Variants in NSMCE2 observed in about 807,000 individuals in gnomAD.
NSMCE2 encodes the protein E3 SUMO-protein ligase NSE2.
Under a neutral mutation model 23.8 loss-of-function variants are expected in NSMCE2, and 24 were observed. That is an observed-to-expected ratio of 1.01 (90% CI 0.73 to 1.42). The LOEUF is 1.42. Ranked by LOEUF, NSMCE2 falls within the 40% of genes most tolerant of loss-of-function variation. The pLI is 0.00. For synonymous variants in NSMCE2, 92 were observed against 94.1 expected (o/e 0.98, Z 0.13); for missense variants, 284 against 296.5 (o/e 0.96, Z 0.31).
chr8:125,122,171 CCA>C (rs1491577365), intron 3 of NSMCE2, among the ~76,000 whole-genome samples: 5,097 of 86,368 alleles, frequency 0.059, 322 homozygotes, highest in African/African-American at 0.18. Flanking sequence ...TCTGGCTGAG[CCA>C]AAAAAAAAAA....
chr8:125,215,371 T>C (rs1339249456), intron 5 of NSMCE2, among the ~76,000 whole-genome samples: 1 of 151,384 alleles, frequency 6.6e-6, no homozygotes, highest in East Asian at 1.9e-4. Flanking sequence ...GGACATGAAC[T>C]CATCATTTTT....
intron 3 of NSMCE2, chr8:125,124,029 C>G (rs1819395789): frequency 1.3e-5 from 2 of 152,214 alleles, no homozygotes; most frequent in African/African-American, 4.8e-5. Context: ...AACCCTGTAC[C>G]CTTTAGCTAT....
intron 5 of NSMCE2, among the ~76,000 whole-genome samples, chr8:125,225,668 T>C (rs1028286843): frequency 6.6e-6 from 1 of 152,236 alleles, no homozygotes; most frequent in African/African-American, 2.4e-5. Flanking sequence ...CAGGAAGGTA[T>C]TGCCTTTTTA....
chr8:125,246,302 G>C (rs1311922785), intron 5 of NSMCE2, among the ~76,000 whole-genome samples: 1 of 151,468 alleles, frequency 6.6e-6, no homozygotes. Flanking sequence ...TCCTGCCTCA[G>C]CCTCCTGAGT....
intron 5 of NSMCE2, among the ~76,000 whole-genome samples, chr8:125,216,414 C>T (rs889656710): frequency 6.6e-6 from 1 of 152,064 alleles, no homozygotes; most frequent in African/African-American, 2.4e-5. Flanking sequence ...CCGAGGCAGG[C>T]AGATTACCTG....
At chr8:125,220,557 A>G (rs569732919) in intron 5 of NSMCE2, among the ~76,000 whole-genome samples, 24 of 152,196 alleles carry the variant, frequency 1.6e-4, no homozygotes, top group Admixed American at 1.1e-3. Flanking sequence ...ATTGTGTTTC[A>G]TATTACAACT....
intron 5 of NSMCE2, among the ~76,000 whole-genome samples, chr8:125,197,902 T>G (rs1217810399): frequency 1.3e-5 from 2 of 152,230 alleles, no homozygotes; most frequent in Non-Finnish European, 2.9e-5. Context: ...GAAGAGGCCC[T>G]TCACATCCCT....
At position 125,182,146 on chromosome 8, in the gene NSMCE2, T is replaced by C. The variant is rs1822853318; in HGVS notation, c.308T>C (p.Leu103Ser). 1 of 1,603,350 alleles carries C rather than the reference T, an allele frequency of 6.2e-7. No homozygotes were observed. The highest frequency in any genetic ancestry group is 8.5e-7 in the Non-Finnish European group (1 of 1,175,838). Residue 103 changes from leucine (L) to serine (S), a missense_variant, in exon 5 of 8, where the codon TTG (leucine) becomes TCG (serine). This residue lies in a region of NSMCE2 where 182 missense variants were observed against 155.5 expected (regional missense o/e 1.17). Transcript: ENST00000287437. The stretch of plus-strand genomic sequence containing the variant: ...GAAAAAATACCAGATTTAAAATTAT[T>C]GGTAGAGAAGAAATTTTTGGCTTTA... ...RPEKIPDLKL[L>S]VEKKFLALQS...
At chr8:125,264,114 C>T (rs188458709) in intron 5 of NSMCE2, among the ~76,000 whole-genome samples, 4 of 152,316 alleles carry the variant, frequency 2.6e-5, no homozygotes, top group Admixed American at 6.5e-5. Context: ...TAATCCAGGT[C>T]CATGAGGGAG....
intron 4 of NSMCE2, among the ~76,000 whole-genome samples, chr8:125,157,689 T>C (rs185989156): frequency 1.2e-4 from 19 of 152,334 alleles, no homozygotes; most frequent in Admixed American, 1.2e-3. Flanking sequence ...CGAAGTAACA[T>C]AGCTGCTAAT....
intron 5 of NSMCE2, among the ~76,000 whole-genome samples, chr8:125,213,552 C>T (rs1254227759): frequency 7.4e-6 from 1 of 134,688 alleles, no homozygotes; most frequent in East Asian, 2.4e-4. Flanking sequence ...CTCCACTCCC[C>T]TCCCCCTTTC....
At chr8:125,168,011 A>G (rs988221291) in intron 4 of NSMCE2, among the ~76,000 whole-genome samples, 4 of 152,206 alleles carry the variant, frequency 2.6e-5, no homozygotes, top group Non-Finnish European at 5.9e-5. Context: ...CCTTAATCAT[A>G]CAGTTCGGGT....
chr8:125,160,521 T>C (rs1821553567), intron 4 of NSMCE2, among the ~76,000 whole-genome samples: 1 of 152,188 alleles, frequency 6.6e-6, no homozygotes, highest in Admixed American at 6.5e-5. Flanking sequence ...GAAAGGATTG[T>C]TCAGAATCAG....
chr8:125,133,200 C>T (rs1819862570), intron 3 of NSMCE2, among the ~76,000 whole-genome samples: 1 of 152,076 alleles, frequency 6.6e-6, no homozygotes, highest in African/African-American at 2.4e-5. Context: ...AGAAGCAAAT[C>T]TAGTAAATTT....
chr8:125,239,740 C>T (rs992354360), intron 5 of NSMCE2, among the ~76,000 whole-genome samples: 8 of 151,752 alleles, frequency 5.3e-5, no homozygotes, highest in Admixed American at 2.0e-4. Flanking sequence ...CTGAACATAA[C>T]ATTTGTAAAA....
At chr8:125,235,147 G>A (rs1013049899) in intron 5 of NSMCE2, among the ~76,000 whole-genome samples, 8 of 151,844 alleles carry the variant, frequency 5.3e-5, no homozygotes, top group East Asian at 1.9e-4. Context: ...AGGCTGAGGC[G>A]GGAGAATCAC....
intron 3 of NSMCE2, among the ~76,000 whole-genome samples, chr8:125,115,677 G>T (rs895289281): frequency 6.6e-6 from 1 of 152,188 alleles, no homozygotes; most frequent in African/African-American, 2.4e-5. Flanking sequence ...CTAGAACCAG[G>T]TGGGTGGAGG....
chr8:125,235,964 A>G (rs1311139532), intron 5 of NSMCE2, among the ~76,000 whole-genome samples: 16 of 152,230 alleles, frequency 1.1e-4, no homozygotes, highest in Non-Finnish European at 1.5e-5. Flanking sequence ...ATTGAGAGGC[A>G]ACACAGATTT....
At chr8:125,115,906 A>G (rs779054651) in intron 3 of NSMCE2, among the ~76,000 whole-genome samples, 3 of 152,326 alleles carry the variant, frequency 2.0e-5, no homozygotes, top group Middle Eastern at 3.4e-3. Context: ...TGTTGTGGAA[A>G]TCACTGAAAG....
Sources: allele counts gnomAD v4.1 joint callset (sites outside exome capture counted in the v4.1 genomes callset), GRCh38; gene constraint gnomAD v4.1.1; regional missense constraint gnomAD v4.1.1; transcripts MANE v1.5; gene names NCBI Gene and HGNC (gene_info 2026-07-23, HGNC 2026-07-21).